IGSF21: variants seen among roughly 807,000 people sequenced by gnomAD.
IGSF21 encodes immunoglobulin superfamily member 21.
Under a neutral mutation model 46.8 loss-of-function variants are expected in IGSF21, and 28 were observed. That is an observed-to-expected ratio of 0.60 (90% CI 0.44 to 0.82). The LOEUF is 0.82. Ranked by LOEUF, IGSF21 falls within the 40% of genes least tolerant of loss-of-function variation. IGSF21 has a pLI of 0.00. For synonymous variants in IGSF21, 284 were observed against 273.6 expected (o/e 1.04, Z -0.38); for missense variants, 624 against 665.5 (o/e 0.94, Z 0.69).
chr1:18,312,409 C>A (rs889713747), intron 3 of IGSF21, among the ~76,000 whole-genome samples: 2 of 152,190 alleles, frequency 1.3e-5, no homozygotes, highest in African/African-American at 4.8e-5. Flanking sequence ...CAAATCGCCA[C>A]CAACTTAGTG....
chr1:18,306,354 A>C (rs1381897107), intron 3 of IGSF21, among the ~76,000 whole-genome samples: 1 of 152,168 alleles, frequency 6.6e-6, no homozygotes, highest in Admixed American at 6.5e-5. Context: ...GTCCCTCTGC[A>C]GAGATGCTTT....
chr1:18,186,535 C>T (rs1023258973), intron 1 of IGSF21, among the ~76,000 whole-genome samples: 3 of 152,162 alleles, frequency 2.0e-5, no homozygotes, highest in African/African-American at 7.2e-5. Flanking sequence ...CAGTGGCTCT[C>T]CCCTGAATGT....
chr1:18,315,182 A>C (rs1311554925), intron 3 of IGSF21, among the ~76,000 whole-genome samples: 2 of 152,118 alleles, frequency 1.3e-5, no homozygotes, highest in South Asian at 2.1e-4. Flanking sequence ...TCTCCAGGGC[A>C]GGTCTCATTT....
chr1:18,134,842 A>C (rs932389895), intron 1 of IGSF21, among the ~76,000 whole-genome samples: 2 of 152,382 alleles, frequency 1.3e-5, no homozygotes, highest in Admixed American at 6.5e-5. Flanking sequence ...TCAGTCAGTT[A>C]CAGTGAGACA....
rs566739798 is a variant in IGSF21, at chr1:18,138,283, C to T, written c.70+30085C>T. On this transcript the variant is annotated intron_variant, in intron 1 of 9. Coordinates refer to ENST00000251296, the MANE Select transcript of IGSF21 (RefSeq NM_032880.5). ...GCAGGACATGTGGCCTCACTTTCTT[C>T]ATTTCCACAGCTTTGTCCAGCTGTT... 1.6e-4 allele frequency among the ~76,000 whole-genome samples: 24 copies of T among 152,326 alleles called. 1 individual carries two copies. In the South Asian group the frequency reaches 2.9e-3, roughly 18 times the overall value.
At chr1:18,120,347 G>T (rs1412275020) in intron 1 of IGSF21, among the ~76,000 whole-genome samples, 6 of 152,186 alleles carry the variant, frequency 3.9e-5, no homozygotes, top group Non-Finnish European at 8.8e-5. Flanking sequence ...GGAAGCTGGA[G>T]GGAGAAATAC....
chr1:18,346,852 G>A (rs563878731), intron 4 of IGSF21, among the ~76,000 whole-genome samples: 9 of 152,258 alleles, frequency 5.9e-5, no homozygotes, highest in African/African-American at 1.9e-4. Flanking sequence ...GGACTGAGGC[G>A]GGAGTGGTCA....
At chr1:18,358,427 T>A (rs748753343) in intron 4 of IGSF21, among the ~76,000 whole-genome samples, 32 of 152,232 alleles carry the variant, frequency 2.1e-4, no homozygotes, top group Non-Finnish European at 4.4e-4. Flanking sequence ...TCTTAAAAAA[T>A]TAAGACTTCT....
Position 18,108,202 on chromosome 1 carries a change from AGT to A in IGSF21, c.70+6_70+7del, listed in dbSNP as rs2086109451. 9 of 1,396,482 alleles carry A rather than the reference AGT, an allele frequency of 6.4e-6. No individual in the cohort carries two copies. The highest frequency in any genetic ancestry group is 8.4e-6 in the Non-Finnish European group (9 of 1,076,092). 86.5% of individuals were successfully genotyped at this position (1,396,482 alleles called of 1,614,324 possible). ...GCGATCCTGGACCTGGCGCGCGGTG[AGT>A]GCGCGGGCGCCTGGCGGGAGCCGAG... On this transcript the variant is annotated splice_donor_5th_base_variant and intron_variant, in intron 1 of 9. Transcript: ENST00000251296.
intron 2 of IGSF21, among the ~76,000 whole-genome samples, chr1:18,252,094 C>T (rs913406974): frequency 2.1e-5 from 3 of 143,936 alleles, no homozygotes; most frequent in Non-Finnish European, 3.0e-5. Context: ...TCTGTCACCC[C>T]GGCTGGAGTG....
intron 1 of IGSF21, among the ~76,000 whole-genome samples, chr1:18,117,384 G>A (rs1349127450): frequency 6.6e-6 from 1 of 152,180 alleles, no homozygotes; most frequent in Non-Finnish European, 1.5e-5. Context: ...CGCGGTCCTG[G>A]GGAGAAGCTT....
intron 1 of IGSF21, among the ~76,000 whole-genome samples, chr1:18,118,776 G>T: frequency 6.6e-6 from 1 of 152,156 alleles, no homozygotes; most frequent in East Asian, 1.9e-4. Flanking sequence ...ACCCCATGGA[G>T]AGCATGGGGG....
At chr1:18,149,767 C>T (rs1054922504) in intron 1 of IGSF21, among the ~76,000 whole-genome samples, 2 of 152,056 alleles carry the variant, frequency 1.3e-5, no homozygotes, top group Non-Finnish European at 2.9e-5. Flanking sequence ...GCTTTGTGAC[C>T]TTGGGGAGTC....
chr1:18,225,085 T>TCTCTCTCTCTCTCTCTCTCTCTCTCA, intron 1 of IGSF21, among the ~76,000 whole-genome samples: 2 of 51,582 alleles, frequency 3.9e-5, no homozygotes, highest in African/African-American at 1.4e-4. Context: ...TCTCTCTCTC[T>TCTCTCTCTCTCTCTCTCTCTCTCTCA]CACACACACA....
At chr1:18,269,176 A>C (rs2085019208) in intron 2 of IGSF21, among the ~76,000 whole-genome samples, 1 of 152,190 alleles carries the variant, frequency 6.6e-6, no homozygotes, top group African/African-American at 2.4e-5. Flanking sequence ...GGGTGGCTGC[A>C]GACTCTGATG....
chr1:18,296,933 G>T (rs918922110), intron 3 of IGSF21, among the ~76,000 whole-genome samples: 1 of 152,186 alleles, frequency 6.6e-6, no homozygotes, highest in African/African-American at 2.4e-5. Context: ...GATTCGAGGG[G>T]CTCAGTGTAT....
intron 1 of IGSF21, among the ~76,000 whole-genome samples, chr1:18,175,216 G>A (rs1157817941): frequency 6.6e-6 from 1 of 152,198 alleles, no homozygotes; most frequent in Non-Finnish European, 1.5e-5. Flanking sequence ...GATGTGCTGT[G>A]TGGCCTTGGA....
chr1:18,324,244 A>G (rs542414579), intron 3 of IGSF21, among the ~76,000 whole-genome samples: 10 of 152,334 alleles, frequency 6.6e-5, no homozygotes, highest in African/African-American at 2.4e-4. Flanking sequence ...CTGGGGGAGA[A>G]GTTGGACCCA....
intron 1 of IGSF21, among the ~76,000 whole-genome samples, chr1:18,196,903 G>T (rs57336870): frequency 0.02 from 3,044 of 152,250 alleles, 279 homozygotes; most frequent in Admixed American, 0.16. Context: ...AAGTGGGGGA[G>T]CCGCCCCGTG....
Sources: gnomAD v4.1 joint callset for allele counts (sites outside exome capture counted in the v4.1 genomes callset) on GRCh38, gnomAD v4.1.1 for gene constraint, MANE v1.5 for transcripts, NCBI Gene and HGNC (gene_info 2026-07-23, HGNC 2026-07-21) for gene names.